Variants in CEP126 observed in about 807,000 individuals in gnomAD.
The protein encoded by CEP126 is centrosomal protein of 126 kDa.
A neutral mutation model predicts 107.8 loss-of-function variants in CEP126; 74 were observed. The observed-to-expected ratio is 0.69, with a 90% CI of 0.57 to 0.83. CEP126 has a LOEUF of 0.83. Among genes scored for constraint, CEP126 ranks in the 40% least tolerant of loss-of-function variants. CEP126 has a pLI of 0.00. For missense variants in CEP126, 1,237 were observed against 1,281.9 expected (o/e 0.96, Z 0.53); for synonymous variants, 449 against 446.0 (o/e 1.01, Z -0.08).
rs1940977815 is a variant in CEP126 at position 101,961,907 on chromosome 11, C to T, written c.872C>T (p.Thr291Ile). 2.5e-6 allele frequency: 4 copies of T among 1,612,782 alleles called. No individual in the cohort carries two copies. In the Admixed American group the frequency reaches 5.0e-5, roughly 20 times the overall value. ...ISLKPANMQS[T>I]NLSCFDEDKL... Reference sequence around the variant, plus strand: ...CTCAAACCAGCAAATATGCAATCAACTAATCTCAGCTGCTTTGATGAAGAT... The same window carrying T: ...CTCAAACCAGCAAATATGCAATCAATTAATCTCAGCTGCTTTGATGAAGAT... The change falls in exon 6 of 11, where the codon ACT becomes ATT. Residue 291 changes from threonine to isoleucine, a missense_variant. Around this residue, in one of 3 missense-constraint regions of CEP126, gnomAD observed 1,134 missense variants for 1,150.5 expected, o/e 0.99. Coordinates refer to ENST00000263468, the MANE Select transcript of CEP126 (RefSeq NM_020802.4).
intron 6 of CEP126, among the ~76,000 whole-genome samples, chr11:101,970,632 TTAAGAA>T (rs1941115336): frequency 2.0e-5 from 3 of 152,176 alleles, no homozygotes. Flanking sequence ...CCAATAATTA[TTAAGAA>T]TATCTTCACA....
intron 1 of CEP126, among the ~76,000 whole-genome samples, chr11:101,920,817 G>A (rs368625401): frequency 2.6e-5 from 4 of 152,126 alleles, no homozygotes; most frequent in African/African-American, 9.6e-5. Context: ...TATTGCCCAG[G>A]CTCATCTCAA....
At chr11:101,917,504 A>G (rs1053128566) in intron 1 of CEP126, among the ~76,000 whole-genome samples, 20 of 152,110 alleles carry the variant, frequency 1.3e-4, no homozygotes, top group African/African-American at 4.8e-4. Flanking sequence ...AAGGTTATAA[A>G]ACAACAAAAC....
At chr11:101,996,652 A>C (rs1941445299) in intron 10 of CEP126, among the ~76,000 whole-genome samples, 1 of 152,226 alleles carries the variant, frequency 6.6e-6, no homozygotes, top group Non-Finnish European at 1.5e-5. Flanking sequence ...AATGAACAAC[A>C]TTCTGAGTTC....
At chr11:101,953,194 C>T (rs909953994) in intron 4 of CEP126, among the ~76,000 whole-genome samples, 1 of 152,104 alleles carries the variant, frequency 6.6e-6, no homozygotes, top group Non-Finnish European at 1.5e-5. Flanking sequence ...TTATCATACT[C>T]GAGGAAACTC....
At chr11:101,945,530 A>T (rs1349716853) in intron 3 of CEP126, among the ~76,000 whole-genome samples, 2 of 152,238 alleles carry the variant, frequency 1.3e-5, no homozygotes, top group Admixed American at 1.3e-4. Flanking sequence ...TAATAAGGGC[A>T]GCTAGTAAAA....
intron 4 of CEP126, among the ~76,000 whole-genome samples, chr11:101,952,718 A>C (rs1453577043): frequency 6.6e-6 from 1 of 152,214 alleles, no homozygotes; most frequent in African/African-American, 2.4e-5. Context: ...GACATGTTTG[A>C]GTTTGAGACA....
At chr11:101,930,022 T>C (rs10895224) in intron 2 of CEP126, among the ~76,000 whole-genome samples, 34,147 of 147,082 alleles carry the variant, frequency 0.23, 4,174 homozygotes, top group African/African-American at 0.28. Flanking sequence ...AGGCTTCAAG[T>C]TTTTTTTCTG....
rs1422651047 is a variant in CEP126, at chr11:101,977,911, T to C, written c.2846-436T>C. On this transcript the variant is annotated intron_variant, in intron 6 of 10. Coordinates refer to ENST00000263468, the MANE Select transcript of CEP126 (RefSeq NM_020802.4). ...CACGCTTGGAATTTTAACTCTTCTT[T>C]TAAGATAACTGAGTTTACTTCATGC... Among the ~76,000 whole-genome samples, 5 of 152,174 alleles carry C rather than the reference T, an allele frequency of 3.3e-5. No homozygotes were observed. In the East Asian group the frequency reaches 9.6e-4, roughly 29 times the overall value.
intron 7 of CEP126, among the ~76,000 whole-genome samples, chr11:101,980,027 A>G (rs1415277348): frequency 6.6e-6 from 1 of 152,186 alleles, no homozygotes; most frequent in Non-Finnish European, 1.5e-5. Context: ...TTTGTATATT[A>G]TAGGAAGTAC....
chr11:101,937,955 C>T (rs1940609225), intron 2 of CEP126, among the ~76,000 whole-genome samples: 2 of 151,084 alleles, frequency 1.3e-5, no homozygotes, highest in African/African-American at 2.4e-5. Flanking sequence ...AGATCGAGAC[C>T]ATCCTGGCTA....
intron 4 of CEP126, among the ~76,000 whole-genome samples, chr11:101,953,838 G>C (rs1045079421): frequency 3.3e-5 from 5 of 152,048 alleles, no homozygotes; most frequent in Non-Finnish European, 5.9e-5. Flanking sequence ...CTATAGGAAA[G>C]CTTGTCTGAA....
chr11:101,921,458 C>G (rs1485830429), intron 1 of CEP126, among the ~76,000 whole-genome samples: 2 of 151,928 alleles, frequency 1.3e-5, no homozygotes, highest in Non-Finnish European at 2.9e-5. Flanking sequence ...TGTAATCACA[C>G]CACTATGGGA....
At chr11:101,992,736 A>T in intron 9 of CEP126, 42 bp from the exon 10 acceptor site, 1 of 1,050,860 alleles carries the variant, frequency 9.5e-7, no homozygotes, top group Non-Finnish European at 1.4e-6. Flanking sequence ...ATTTCTATAT[A>T]TGTAACTAAA....
chr11:101,936,901 A>G (rs944624837), intron 2 of CEP126, among the ~76,000 whole-genome samples: 4 of 152,168 alleles, frequency 2.6e-5, no homozygotes, highest in African/African-American at 9.7e-5. Flanking sequence ...ATGATATGTT[A>G]TTTTTATAAA....
chr11:101,992,427 A>C (rs1591297454), intron 9 of CEP126, among the ~76,000 whole-genome samples: 1 of 152,200 alleles, frequency 6.6e-6, no homozygotes, highest in East Asian at 1.9e-4. Flanking sequence ...ATAACTAAAT[A>C]AACATCTCTT....
chr11:101,944,202 T>C, intron 2 of CEP126, 63 bp from the exon 3 acceptor site: 1 of 1,401,866 alleles, frequency 7.1e-7, no homozygotes, highest in Admixed American at 2.7e-5. Flanking sequence ...AAATGCGTCA[T>C]TTTGAAACTA....
At chr11:101,951,005 GAATAA>G (rs1940804910) in intron 4 of CEP126, among the ~76,000 whole-genome samples, 2 of 152,218 alleles carry the variant, frequency 1.3e-5, no homozygotes, top group South Asian at 4.2e-4. Flanking sequence ...GAAATTATTG[GAATAA>G]CCCAAGGGAT....
intron 9 of CEP126, among the ~76,000 whole-genome samples, chr11:101,991,191 A>C (rs888533074): frequency 6.6e-6 from 1 of 152,038 alleles, no homozygotes; most frequent in African/African-American, 2.4e-5. Flanking sequence ...TAAATAAATA[A>C]ATAAACAAAC....
Sources: gnomAD v4.1 joint callset for allele counts (sites outside exome capture counted in the v4.1 genomes callset) on GRCh38, gnomAD v4.1.1 for gene constraint, gnomAD v4.1.1 regional missense constraint, MANE v1.5 for transcripts, NCBI Gene and HGNC (gene_info 2026-07-23, HGNC 2026-07-21) for gene names.